Variants in ABLIM1 observed in about 807,000 individuals in gnomAD.
ABLIM1 encodes the protein actin-binding LIM protein 1.
ABLIM1 carries 40 observed loss-of-function variants against 107.0 expected under a neutral mutation model. That is an observed-to-expected ratio of 0.37 (90% CI 0.29 to 0.49). The LOEUF (loss-of-function observed/expected upper bound fraction) is 0.49. Among genes scored for constraint, ABLIM1 ranks in the 20% least tolerant of loss-of-function variants. ABLIM1 has a pLI of 0.97. For synonymous variants in ABLIM1, 357 were observed against 357.3 expected (o/e 1.00, Z 0.01); for missense variants, 857 against 1,008.5 (o/e 0.85, Z 2.04).
At chr10:114,755,838 GTA>G (rs2082618179) in intron 1 of ABLIM1, among the ~76,000 whole-genome samples, 1 of 152,148 alleles carries the variant, frequency 6.6e-6, no homozygotes, top group African/African-American at 2.4e-5. Context: ...GCTGAATATG[GTA>G]TTTTTTAACC....
chr10:114,665,223 CA>C (rs1486320904), intron 1 of ABLIM1, among the ~76,000 whole-genome samples: 1 of 152,122 alleles, frequency 6.6e-6, no homozygotes, highest in Non-Finnish European at 1.5e-5. Flanking sequence ...TGCACACACA[CA>C]AGGCTTTCAG....
At chr10:114,690,436 G>A (rs1000116060) in intron 1 of ABLIM1, 167 of 1,603,580 alleles carry the variant, frequency 1.0e-4, no homozygotes, top group Non-Finnish European at 1.3e-4. Flanking sequence ...CCATTATGGC[G>A]TGTGAAGTCA....
At position 114,499,587 on chromosome 10, in the gene ABLIM1, G is replaced by A. The variant is rs78247809; in HGVS notation, c.895-7709C>T. ...CAAGAAGCCTTTTAAAAATGGGTTCGATGGCCTTAAGGTGGGACCCAGATA... is the reference window on the plus strand; with the variant it reads ...CAAGAAGCCTTTTAAAAATGGGTTCAATGGCCTTAAGGTGGGACCCAGATA... On this transcript the variant is annotated intron_variant, in intron 6 of 22. Transcript: ENST00000533213. Among the ~76,000 whole-genome samples, 1,099 of 152,228 alleles carry A rather than the reference G, an allele frequency of 7.2e-3. 20 individuals are homozygous for A. Among genetic ancestry groups the A allele is most frequent in the African/African-American group, 0.025 (1,039 of 41,520 alleles).
At chr10:114,501,598 A>C (rs1398590203) in intron 6 of ABLIM1, among the ~76,000 whole-genome samples, 1 of 152,244 alleles carries the variant, frequency 6.6e-6, no homozygotes, top group Non-Finnish European at 1.5e-5. Flanking sequence ...AAAAGTTACA[A>C]AAAACGAAGC....
intron 6 of ABLIM1, among the ~76,000 whole-genome samples, chr10:114,516,504 A>T (rs1475624928): frequency 6.6e-6 from 1 of 152,154 alleles, no homozygotes. Flanking sequence ...AGCCTGGGTG[A>T]CAGAGCAAGA....
intron 1 of ABLIM1, among the ~76,000 whole-genome samples, chr10:114,712,658 G>A (rs2081578544): frequency 6.6e-6 from 1 of 152,176 alleles, no homozygotes; most frequent in African/African-American, 2.4e-5. Context: ...CTGCTAAGTG[G>A]ATGGAAGAAT....
intron 1 of ABLIM1, among the ~76,000 whole-genome samples, chr10:114,675,549 T>C (rs2080443887): frequency 6.6e-6 from 1 of 152,212 alleles, no homozygotes; most frequent in African/African-American, 2.4e-5. Context: ...CCTCTTTCCT[T>C]TATAAATTAC....
intron 8 of ABLIM1, 60 bp from the exon 9 acceptor site, chr10:114,474,016 C>A: frequency 7.5e-7 from 1 of 1,333,058 alleles, no homozygotes. Flanking sequence ...CTAGACTGTC[C>A]TGGGCCCTTA....
intron 6 of ABLIM1, among the ~76,000 whole-genome samples, chr10:114,497,236 T>A (rs775094890): frequency 6.6e-6 from 1 of 152,172 alleles, no homozygotes; most frequent in Non-Finnish European, 1.5e-5. Context: ...GGCATGAAGG[T>A]TGGTTTACCA....
At chr10:114,561,405 T>A (rs2069677523) in intron 4 of ABLIM1, among the ~76,000 whole-genome samples, 1 of 152,224 alleles carries the variant, frequency 6.6e-6, no homozygotes, top group Non-Finnish European at 1.5e-5. Flanking sequence ...GGAATGAATC[T>A]TATTTTATTT....
the ABLIM1 span, among the ~76,000 whole-genome samples, chr10:114,784,098 A>G: frequency 6.6e-6 from 1 of 151,950 alleles, no homozygotes; most frequent in Admixed American, 6.6e-5. Context: ...CTGTAATCCC[A>G]GCACTTTGGG....
At chr10:114,480,456 C>A (rs746161067) in intron 8 of ABLIM1, among the ~76,000 whole-genome samples, 4 of 152,224 alleles carry the variant, frequency 2.6e-5, no homozygotes, top group African/African-American at 9.6e-5. Flanking sequence ...TATTTACTTT[C>A]ATTTAAGCAC....
At chr10:114,647,227 G>A (rs924637452) in intron 1 of ABLIM1, among the ~76,000 whole-genome samples, 6 of 145,578 alleles carry the variant, frequency 4.1e-5, no homozygotes, top group Admixed American at 1.3e-4. Context: ...TTGAACTGCT[G>A]ACCTCAGGTG....
chr10:114,748,769 G>A (rs115711282), intron 1 of ABLIM1, among the ~76,000 whole-genome samples: 5,808 of 150,626 alleles, frequency 0.039, 159 homozygotes, highest in African/African-American at 0.059. Flanking sequence ...CAACCCTCCT[G>A]TCTCAGCCTC....
intron 1 of ABLIM1, among the ~76,000 whole-genome samples, chr10:114,606,952 C>A (rs973294424): frequency 6.6e-6 from 1 of 152,216 alleles, no homozygotes; most frequent in Admixed American, 6.5e-5. Flanking sequence ...CTTCATTTCC[C>A]AACAAATTTG....
intron 17 of ABLIM1, among the ~76,000 whole-genome samples, chr10:114,442,910 C>T (rs1171553621): frequency 6.6e-6 from 1 of 151,956 alleles, no homozygotes; most frequent in Non-Finnish European, 1.5e-5. Context: ...GCAATCTTGG[C>T]TCAATGTAAG....
upstream of ABLIM1, among the ~76,000 whole-genome samples, chr10:114,685,478 AC>A (rs1249032719): frequency 6.6e-6 from 1 of 152,090 alleles, no homozygotes; most frequent in Non-Finnish European, 1.5e-5. Context: ...GTCCTGGCTT[AC>A]TCTCTTCCCC....
chr10:114,620,778 A>G lies in ABLIM1; in HGVS notation c.245-18817T>C, dbSNP rs111911934. Among the ~76,000 whole-genome samples the G allele has an allele frequency of 7.2e-4, 109 of 152,230 alleles. 1 individual carries two copies. Among genetic ancestry groups the G allele is most frequent in the Non-Finnish European group, 1.2e-3 (85 of 68,040 alleles). ...ATATTTAAACATCTGGAGATTTTAC[A>G]TAAAAATCCCTATTTCCAGCTGCTC... On this transcript the variant is annotated intron_variant, in intron 1 of 22. Coordinates refer to ENST00000533213, the MANE Select transcript of ABLIM1 (RefSeq NM_002313.7).
intron 6 of ABLIM1, among the ~76,000 whole-genome samples, chr10:114,495,934 A>G (rs1356803053): frequency 6.6e-6 from 1 of 152,184 alleles, no homozygotes; most frequent in African/African-American, 2.4e-5. Flanking sequence ...CACTGCTGTA[A>G]CTACCTCACA....
Sources: gnomAD v4.1 joint callset for allele counts (sites outside exome capture counted in the v4.1 genomes callset) on GRCh38, gnomAD v4.1.1 for gene constraint, MANE v1.5 for transcripts, NCBI Gene and HGNC (gene_info 2026-07-23, HGNC 2026-07-21) for gene names.